Variants in PEX2 observed in about 807,000 individuals in gnomAD.
PEX2 encodes peroxisomal biogenesis factor 2, also known as peroxisome biogenesis factor 2.
PEX2 carries 19 observed loss-of-function variants against 25.2 expected under a neutral mutation model. The observed-to-expected ratio is 0.75, with a 90% CI of 0.53 to 1.10. The LOEUF is 1.10. Ranked by LOEUF, PEX2 falls within the 50% of genes least tolerant of loss-of-function variation. The probability of loss-of-function intolerance (pLI) is 0.00; values close to 1 mark genes in which losing one functional copy is unlikely to be tolerated. For missense variants in PEX2, 347 were observed against 350.6 expected (o/e 0.99, Z 0.08); for synonymous variants, 141 against 127.7 (o/e 1.10, Z -0.70).
At chr8:76,989,767 AG>A (rs1450562504) in intron 1 of PEX2, among the ~76,000 whole-genome samples, 1 of 152,204 alleles carries the variant, frequency 6.6e-6, no homozygotes, top group Non-Finnish European at 1.5e-5. Context: ...GCTGTCATCC[AG>A]GCTTTGTTTT....
At chr8:76,984,919 T>C (rs1806961230) in intron 3 of PEX2, among the ~76,000 whole-genome samples, 1 of 151,868 alleles carries the variant, frequency 6.6e-6, no homozygotes, top group Admixed American at 6.6e-5. Flanking sequence ...AAAACTATGA[T>C]ATAAAAATAT....
chr8:76,992,152 C>T (rs1807190485), intron 1 of PEX2, among the ~76,000 whole-genome samples: 1 of 152,190 alleles, frequency 6.6e-6, no homozygotes, highest in African/African-American at 2.4e-5. Flanking sequence ...GTGGAACTCA[C>T]TGCCCACTTA....
rs911597123 is a variant in PEX2, at chr8:76,987,529, A to G, written c.-128+778T>C. 3.3e-5 allele frequency among the ~76,000 whole-genome samples: 5 copies of G among 152,318 alleles called. 1 individual carries two copies. The highest frequency in any genetic ancestry group is 2.0e-4 in the Admixed American group (3 of 15,300). On this transcript the variant is annotated intron_variant, in intron 2 of 3. Coordinates refer to ENST00000357039, the MANE Select transcript of PEX2 (RefSeq NM_000318.3). ...TGAGGAAGGTAACGGGAAGCCCCCA[A>G]TAGTGGTACGCAAATAACTAGTAAG...
At chr8:76,994,931 C>A (rs1807278572) in intron 1 of PEX2, among the ~76,000 whole-genome samples, 1 of 152,126 alleles carries the variant, frequency 6.6e-6, no homozygotes, top group Admixed American at 6.5e-5. Context: ...TTTGTGTAGT[C>A]AGATAGATTT....
chr8:76,983,059 A>C lies in PEX2; in HGVS notation c.*202T>G, dbSNP rs1806882784. Reference sequence around the variant, plus strand: ...AAAAATTGAATGCAATGATTTAAAAAACATAATACATTAACATTTACATAA... The same window carrying C: ...AAAAATTGAATGCAATGATTTAAAACACATAATACATTAACATTTACATAA... On this transcript the variant is annotated 3_prime_UTR_variant, in exon 4 of 4. Coordinates refer to ENST00000357039, the MANE Select transcript of PEX2 (RefSeq NM_000318.3). 1 of 1,352,876 alleles carries C rather than the reference A, an allele frequency of 7.4e-7. No homozygotes were observed. Among genetic ancestry groups the C allele is most frequent in the East Asian group, 2.6e-5 (1 of 38,596 alleles). The allele number at this position is 1,352,876 out of a possible 1,614,324, so 83.8% of individuals were successfully genotyped here. A position where few individuals can be genotyped will look rare whatever the true frequency, so the allele number is the denominator to read the frequency against.
intron 1 of PEX2, among the ~76,000 whole-genome samples, chr8:76,988,776 G>A (rs907183558): frequency 1.3e-5 from 2 of 152,076 alleles, no homozygotes; most frequent in Admixed American, 1.3e-4. Flanking sequence ...CTCAAACCCT[G>A]CCATTGCTTT....
intron 1 of PEX2, among the ~76,000 whole-genome samples, chr8:76,995,154 C>A (rs1807284820): frequency 6.6e-6 from 1 of 152,184 alleles, no homozygotes; most frequent in Non-Finnish European, 1.5e-5. Flanking sequence ...TTGCTAAGTG[C>A]CTTGTCACTA....
intron 1 of PEX2, among the ~76,000 whole-genome samples, chr8:76,996,436 CT>C (rs1807335861): frequency 1.3e-5 from 2 of 152,112 alleles, no homozygotes; most frequent in South Asian, 4.1e-4. Flanking sequence ...AACATAAACA[CT>C]TTAGGATGGT....
chr8:76,997,509 C>T (rs1029894279), intron 1 of PEX2, among the ~76,000 whole-genome samples: 5 of 152,222 alleles, frequency 3.3e-5, no homozygotes, highest in Middle Eastern at 3.4e-3. Flanking sequence ...GCAGAGGTTA[C>T]AGTGAGCTGA....
At chr8:76,993,497 C>A (rs1215318360) in intron 1 of PEX2, among the ~76,000 whole-genome samples, 1 of 152,132 alleles carries the variant, frequency 6.6e-6, no homozygotes, top group Admixed American at 6.5e-5. Context: ...TAGTACTCTC[C>A]TTACTTCTGT....
intron 2 of PEX2, 143 bp downstream of exon 2, chr8:76,988,164 A>G (rs1364564525): frequency 1.3e-5 from 2 of 152,226 alleles, no homozygotes; most frequent in Non-Finnish European, 2.9e-5. Context: ...ATATGTGTCT[A>G]TGATAAAGAT....
chr8:77,000,439 C>T (rs78269411), upstream of PEX2, among the ~76,000 whole-genome samples: 1,389 of 151,960 alleles, frequency 9.1e-3, 14 homozygotes, highest in African/African-American at 0.031. Flanking sequence ...GCGGACATCG[C>T]GAAGGGCCTC....
chr8:76,986,971 G>A (rs1356651359), intron 2 of PEX2, among the ~76,000 whole-genome samples: 1 of 152,126 alleles, frequency 6.6e-6, no homozygotes, highest in Non-Finnish European at 1.5e-5. Context: ...TAAATGAATA[G>A]GATGAAAGTC....
chr8:76,995,360 T>G (rs1807292875), intron 1 of PEX2, among the ~76,000 whole-genome samples: 1 of 152,232 alleles, frequency 6.6e-6, no homozygotes, highest in Non-Finnish European at 1.5e-5. Flanking sequence ...AAATAGGATT[T>G]TTCTTTTTGA....
Position 76,999,994 on chromosome 8 carries a change from G to C in PEX2, c.-164C>G. The C allele has an allele frequency of 2.2e-6, 1 of 456,036 alleles. No homozygotes were observed. The highest frequency in any genetic ancestry group is 1.6e-5 in the South Asian group (1 of 64,502). 28.2% of individuals were successfully genotyped at this position (456,036 alleles called of 1,614,324 possible). On this transcript the variant is annotated 5_prime_UTR_variant, in exon 1 of 4. Transcript: ENST00000357039. Reference sequence around the variant, plus strand: ...CTCTCTAGGGCAGACACTGACCTTAGGAGTCTGCGAAACGCCCACGCTCCA... The same window carrying C: ...CTCTCTAGGGCAGACACTGACCTTACGAGTCTGCGAAACGCCCACGCTCCA...
At chr8:76,998,488 A>G (rs1282081099) in intron 1 of PEX2, among the ~76,000 whole-genome samples, 1 of 152,226 alleles carries the variant, frequency 6.6e-6, no homozygotes. Context: ...CAGAATAGGG[A>G]CATATTTGTA....
At chr8:76,996,103 A>G (rs536496333) in intron 1 of PEX2, among the ~76,000 whole-genome samples, 1 of 152,320 alleles carries the variant, frequency 6.6e-6, no homozygotes, top group Admixed American at 6.5e-5. Flanking sequence ...GACAGTATTC[A>G]TGGAGAGTAA....
At chr8:76,990,578 C>T (rs1807140683) in intron 1 of PEX2, among the ~76,000 whole-genome samples, 1 of 152,106 alleles carries the variant, frequency 6.6e-6, no homozygotes, top group South Asian at 2.1e-4. Context: ...GTAGGCTTAT[C>T]TTAATTGGCC....
chr8:76,990,848 A>T (rs780331705), intron 1 of PEX2, among the ~76,000 whole-genome samples: 12 of 152,218 alleles, frequency 7.9e-5, no homozygotes, highest in Non-Finnish European at 1.8e-4. Context: ...AATTACCTAA[A>T]CGTTACACAG....
Sources: allele counts gnomAD v4.1 joint callset (sites outside exome capture counted in the v4.1 genomes callset), GRCh38; gene constraint gnomAD v4.1.1; transcripts MANE v1.5; gene names NCBI Gene and HGNC (gene_info 2026-07-23, HGNC 2026-07-21).